The following STK10 variants were observed in gnomAD, a reference collection of about 807,000 sequenced individuals.
The protein encoded by STK10 is serine/threonine-protein kinase 10.
Under a neutral mutation model 113.8 loss-of-function variants are expected in STK10, and 78 were observed. The observed-to-expected ratio is 0.69, with a 90% CI of 0.57 to 0.83. The LOEUF is 0.83. Ranked by LOEUF, STK10 falls within the 40% of genes least tolerant of loss-of-function variation. STK10 has a pLI of 0.00. For missense variants in STK10, 1,109 were observed against 1,280.1 expected (o/e 0.87, Z 2.04); for synonymous variants, 465 against 494.7 (o/e 0.94, Z 0.80).
chr5:172,188,125 A>C lies in STK10; in HGVS notation c.-83T>G. On this transcript the variant is annotated 5_prime_UTR_variant, in exon 1 of 19. Transcript: ENST00000176763. This position sits in a 1 kb window ranked among gnomAD's most constrained non-coding sequence, Gnocchi z 5.6. ...GGCGGCCGCGAGGAGAAGGAGGAGG[A>C]GTTGGAGGACGCCGCGTCTCTCGGG... 2 of 1,531,614 alleles carry C rather than the reference A, an allele frequency of 1.3e-6. No individual in the cohort carries two copies. The highest frequency in any genetic ancestry group is 1.8e-6 in the Non-Finnish European group (2 of 1,139,578). The allele number at this position is 1,531,614 out of a possible 1,614,324, so 94.9% of individuals were successfully genotyped here.
intron 1 of STK10, among the ~76,000 whole-genome samples, chr5:172,185,000 T>C (rs981668300): frequency 3.3e-5 from 5 of 151,962 alleles, no homozygotes; most frequent in Non-Finnish European, 5.9e-5. Flanking sequence ...CCACGTGCTT[T>C]GGAGAACCAA....
chr5:172,054,345 C>T (rs181837935), intron 17 of STK10, among the ~76,000 whole-genome samples: 23 of 152,352 alleles, frequency 1.5e-4, no homozygotes, highest in African/African-American at 5.5e-4. Flanking sequence ...ATGGTCATCC[C>T]CATGCCCATT....
At chr5:172,084,015 T>C (rs1768494444) in intron 10 of STK10, among the ~76,000 whole-genome samples, 1 of 151,890 alleles carries the variant, frequency 6.6e-6, no homozygotes, top group African/African-American at 2.4e-5. Context: ...TATAGGTCTA[T>C]GTAAATAAAG....
intron 12 of STK10, among the ~76,000 whole-genome samples, chr5:172,081,351 CAAAAAAA>C (rs58173076): frequency 2.9e-5 from 2 of 68,612 alleles, no homozygotes; most frequent in Non-Finnish European, 5.8e-5. Context: ...ACTCCATCTC[CAAAAAAA>C]AAAAAAAAAA....
intron 12 of STK10, among the ~76,000 whole-genome samples, chr5:172,069,348 T>C (rs1768132139): frequency 1.3e-5 from 2 of 152,152 alleles, no homozygotes; most frequent in African/African-American, 2.4e-5. Flanking sequence ...TGGGAAAAGA[T>C]ACTGTATGCA....
At chr5:172,056,988 AAAGAAAGAGAAAGAAGG>A (rs1767805955) in intron 15 of STK10, 1 of 104,076 alleles carries the variant, frequency 9.6e-6, no homozygotes, top group African/African-American at 4.7e-5. Flanking sequence ...AGAAAGAAAG[AAAGAAAGAGAAAGAAGG>A]AAAGAAAGAA....
rs1453617234 is a variant in STK10 at position 172,043,808 on chromosome 5, G to A, written c.*1074C>T. ...TGATGCTTTTTCTTCCTGAAGAGAA[G>A]TCCAACAGACTGCCAGCCCAGGTCT... On this transcript the variant is annotated 3_prime_UTR_variant, in exon 19 of 19. Coordinates refer to ENST00000176763, the MANE Select transcript of STK10 (RefSeq NM_005990.4). 2 of 152,202 alleles carry A rather than the reference G, an allele frequency of 1.3e-5. No homozygotes were observed. Among genetic ancestry groups the A allele is most frequent in the Non-Finnish European group, 2.9e-5 (2 of 68,074 alleles). 9.4% of individuals were successfully genotyped at this position (152,202 alleles called of 1,614,324 possible).
Position 172,113,051 on chromosome 5 carries a change from T to C in STK10, c.520+4430A>G, listed in dbSNP as rs114407889. Among the ~76,000 whole-genome samples the C allele has an allele frequency of 1.7e-3, 261 of 152,316 alleles. 1 individual carries two copies. Among genetic ancestry groups the C allele is most frequent in the African/African-American group, 6.2e-3 (258 of 41,566 alleles). On this transcript the variant is annotated intron_variant, in intron 4 of 18. Coordinates refer to ENST00000176763, the MANE Select transcript of STK10 (RefSeq NM_005990.4). ...GCATGAGCCAACGCGCCCGACCCAC[T>C]TTTGTTCTTTAAAATGTTTTTGATA...
intron 1 of STK10, among the ~76,000 whole-genome samples, chr5:172,181,981 C>T (rs1770865240): frequency 6.6e-6 from 1 of 152,044 alleles, no homozygotes; most frequent in Admixed American, 6.6e-5. Flanking sequence ...GTTTGGTAAA[C>T]TCCCAATTTT....
chr5:172,106,862 G>A, intron 5 of STK10, 48 bp from the exon 6 acceptor site: 1 of 1,555,006 alleles, frequency 6.4e-7, no homozygotes, highest in East Asian at 2.3e-5. Context: ...GGCCTTTACA[G>A]GTGCTTCTTG....
Position 172,043,867 on chromosome 5 carries a change from G to A in STK10, c.*1015C>T, listed in dbSNP as rs947574159. On this transcript the variant is annotated 3_prime_UTR_variant, in exon 19 of 19. Coordinates refer to ENST00000176763, the MANE Select transcript of STK10 (RefSeq NM_005990.4). ...AGGTGGGACTCCTGAACACAGTCGG[G>A]GGGATGGGGCAGAGGCAAACAGCCC... 3 of 152,304 alleles carry A rather than the reference G, an allele frequency of 2.0e-5. No individual in the cohort carries two copies. The highest frequency in any genetic ancestry group is 4.4e-5 in the Non-Finnish European group (3 of 68,128). The allele number at this position is 152,304 out of a possible 1,614,324, so 9.4% of individuals were successfully genotyped here. A position where few individuals can be genotyped will look rare whatever the true frequency, so the allele number is the denominator to read the frequency against.
intron 18 of STK10, among the ~76,000 whole-genome samples, chr5:172,049,539 C>G (rs571008598): frequency 1.4e-3 from 207 of 151,804 alleles, no homozygotes; most frequent in Non-Finnish European, 2.4e-3. Flanking sequence ...GGATGAGACT[C>G]ACGGGAGATA....
intron 4 of STK10, chr5:172,114,473 A>ATATATATATATATTTT (rs1226289994): frequency 2.1e-5 from 1 of 47,538 alleles, no homozygotes; most frequent in East Asian, 5.8e-4. Flanking sequence ...ATATATATAT[A>ATATATATATATATTTT]TTTTTTTTTT....
At position 172,093,944 on chromosome 5, in the gene STK10, G is replaced by A; in HGVS notation, c.1022C>T (p.Thr341Ile). The A allele has an allele frequency of 2.0e-6, 3 of 1,499,520 alleles. No homozygotes were observed. Among genetic ancestry groups the A allele is most frequent in the African/African-American group, 1.4e-5 (1 of 71,548 alleles). 92.9% of individuals were successfully genotyped at this position (1,499,520 alleles called of 1,614,324 possible). A position where few individuals can be genotyped will look rare whatever the true frequency, so the allele number is the denominator to read the frequency against. ...CGGACTCACCTCAGAGGAGTTCTGA[G>A]TATGGTTCTCCAGGGTCTAGAAAAA... ...VDAASTLENH[T>I]QNSSEVSPPS... The change falls in exon 9 of 19, where the codon ACT becomes ATT. Residue 341 changes from threonine (T) to isoleucine (I), a missense_variant. Coordinates refer to ENST00000176763, the MANE Select transcript of STK10 (RefSeq NM_005990.4). The surrounding 1 kb of genome is among the most constrained non-coding windows in gnomAD (Gnocchi z 4.1).
intron 7 of STK10, 102 bp downstream of exon 7, chr5:172,105,554 C>A: frequency 8.1e-7 from 1 of 1,230,000 alleles, no homozygotes; most frequent in South Asian, 1.3e-5. Context: ...GCTGTCCATG[C>A]TGTTCCCTGG....
intron 12 of STK10, among the ~76,000 whole-genome samples, chr5:172,079,362 T>C (rs1211466894): frequency 1.3e-5 from 2 of 152,114 alleles, no homozygotes; most frequent in Non-Finnish European, 1.5e-5. Context: ...TCAGCTTACA[T>C]GTCATACACT....
chr5:172,066,424 T>C (rs1038199689), intron 12 of STK10, among the ~76,000 whole-genome samples: 6 of 152,122 alleles, frequency 3.9e-5, no homozygotes, highest in African/African-American at 1.4e-4. Flanking sequence ...AGAAACCTTG[T>C]GTTTCTGGCC....
At chr5:172,181,422 T>G (rs372599575) in intron 1 of STK10, among the ~76,000 whole-genome samples, 2 of 152,196 alleles carry the variant, frequency 1.3e-5, no homozygotes, top group South Asian at 4.1e-4. Flanking sequence ...ATAATTGTCT[T>G]CTATTACGTA....
At chr5:172,173,615 G>A (rs943834268) in intron 1 of STK10, among the ~76,000 whole-genome samples, 1 of 152,158 alleles carries the variant, frequency 6.6e-6, no homozygotes, top group African/African-American at 2.4e-5. Context: ...TCCAGGCTGG[G>A]ATGCAGGCTT....
Sources: allele counts gnomAD v4.1 joint callset (sites outside exome capture counted in the v4.1 genomes callset), GRCh38; gene constraint gnomAD v4.1.1; non-coding constraint Gnocchi (gnomAD v3.1); transcripts MANE v1.5; gene names NCBI Gene and HGNC (gene_info 2026-07-23, HGNC 2026-07-21).